EPB41: variants seen among roughly 807,000 people sequenced by gnomAD.
The protein encoded by EPB41 is protein 4.1.
EPB41 carries 65 observed loss-of-function variants against 108.0 expected under a neutral mutation model. The observed-to-expected ratio is 0.60, with a 90% CI of 0.49 to 0.74. The LOEUF (loss-of-function observed/expected upper bound fraction) is 0.74. Among genes scored for constraint, EPB41 ranks in the 30% least tolerant of loss-of-function variants. The probability of loss-of-function intolerance (pLI) is 0.00; values close to 1 mark genes in which losing one functional copy is unlikely to be tolerated. For synonymous variants in EPB41, 336 were observed against 358.9 expected (o/e 0.94, Z 0.72); for missense variants, 875 against 1,037.0 (o/e 0.84, Z 2.15).
chr1:29,032,508 G>C (rs781673454), intron 8 of EPB41, among the ~76,000 whole-genome samples: 1 of 152,154 alleles, frequency 6.6e-6, no homozygotes, highest in African/African-American at 2.4e-5. Flanking sequence ...GGAAAGAGTA[G>C]TCAAGAAGCA....
intron 14 of EPB41, among the ~76,000 whole-genome samples, chr1:29,059,596 G>A (rs1646152661): frequency 6.6e-6 from 1 of 151,752 alleles, no homozygotes; most frequent in Non-Finnish European, 1.5e-5. Context: ...GGCAACATAG[G>A]GAGACCCCAT....
chr1:28,895,784 G>A (rs113817349), intron 1 of EPB41, among the ~76,000 whole-genome samples: 80 of 152,234 alleles, frequency 5.3e-4, no homozygotes, highest in African/African-American at 1.8e-3. Context: ...CACCACGCCC[G>A]GCCCTAAGGC....
At chr1:29,113,028 G>A (rs1669726149) in intron 19 of EPB41, among the ~76,000 whole-genome samples, 1 of 152,170 alleles carries the variant, frequency 6.6e-6, no homozygotes, top group African/African-American at 2.4e-5. Context: ...CTAACTTGCT[G>A]TGTGACCTTG....
At chr1:29,025,469 A>T (rs2096707615) in intron 7 of EPB41, among the ~76,000 whole-genome samples, 1 of 152,024 alleles carries the variant, frequency 6.6e-6, no homozygotes, top group African/African-American at 2.4e-5. Context: ...AAAAAATTCA[A>T]GACAGTACTT....
chr1:29,056,879 A>G (rs996002677), intron 12 of EPB41, among the ~76,000 whole-genome samples: 2 of 152,180 alleles, frequency 1.3e-5, no homozygotes, highest in African/African-American at 4.8e-5. Context: ...TATTGGATTG[A>G]TAAAGATCCA....
chr1:29,091,591 C>T (rs1185369202), intron 16 of EPB41, among the ~76,000 whole-genome samples: 1 of 152,118 alleles, frequency 6.6e-6, no homozygotes, highest in Non-Finnish European at 1.5e-5. Context: ...TTAGAATTTA[C>T]AATATGGTTT....
At chr1:29,066,517 A>C (rs1647936640) in intron 16 of EPB41, among the ~76,000 whole-genome samples, 1 of 152,190 alleles carries the variant, frequency 6.6e-6, no homozygotes, top group Admixed American at 6.5e-5. Flanking sequence ...TATACCCCAA[A>C]AGTTTTTATC....
At chr1:29,046,668 C>T (rs969887876) in intron 11 of EPB41, among the ~76,000 whole-genome samples, 1 of 152,140 alleles carries the variant, frequency 6.6e-6, no homozygotes, top group Non-Finnish European at 1.5e-5. Context: ...CATCAAGCTT[C>T]CTTATATGGT....
At chr1:28,979,321 C>G (rs1473591754) in intron 1 of EPB41, among the ~76,000 whole-genome samples, 1 of 151,550 alleles carries the variant, frequency 6.6e-6, no homozygotes, top group Non-Finnish European at 1.5e-5. Context: ...ACCACAACCA[C>G]TCTCCAAATA....
At chr1:28,960,578 A>C (rs1284607652) in intron 1 of EPB41, among the ~76,000 whole-genome samples, 2 of 150,878 alleles carry the variant, frequency 1.3e-5, no homozygotes, top group African/African-American at 2.4e-5. Context: ...AAAAAAAAAA[A>C]AAAACTTAAA....
At chr1:29,030,282 A>G (rs1008490264) in intron 7 of EPB41, 118 bp from the exon 8 acceptor site, 4 of 771,170 alleles carry the variant, frequency 5.2e-6, no homozygotes, top group Non-Finnish European at 9.0e-6. Flanking sequence ...TAGGAAATAT[A>G]TCTTAATATA....
chr1:28,961,888 C>T (rs905082005), intron 1 of EPB41, among the ~76,000 whole-genome samples: 1 of 152,046 alleles, frequency 6.6e-6, no homozygotes, highest in Non-Finnish European at 1.5e-5. Context: ...AAACTGGTTC[C>T]TCCTCTATAT....
intron 1 of EPB41, among the ~76,000 whole-genome samples, chr1:28,979,714 CTTTTT>C (rs34603544): frequency 6.9e-6 from 1 of 145,458 alleles, no homozygotes; most frequent in African/African-American, 2.6e-5. Context: ...ACTGTCCTCA[CTTTTT>C]TTTTTTTTAA....
At chr1:28,912,650 C>T (rs1198561987), upstream of EPB41, among the ~76,000 whole-genome samples, 2 of 151,924 alleles carry the variant, frequency 1.3e-5, no homozygotes, top group Non-Finnish European at 2.9e-5. Context: ...GAGTCTTGCT[C>T]TTGTCACCCA....
At chr1:29,070,738 G>C (rs1650956561) in intron 16 of EPB41, 3 of 1,209,394 alleles carry the variant, frequency 2.5e-6, no homozygotes, top group Non-Finnish European at 2.1e-6. Flanking sequence ...GGGAGCTCTT[G>C]TGATCATTTT....
At position 28,967,766 on chromosome 1, in the gene EPB41, C is replaced by T. The variant is rs556368340; in HGVS notation, c.-7-19665C>T. Among the ~76,000 whole-genome samples the T allele has an allele frequency of 5.3e-5, 8 of 151,218 alleles. No individual in the cohort carries two copies. The South Asian group carries it at 1.7e-3, about 32-fold the overall frequency. ...GATTACAGGTGTGAGCCACTGAACC[C>T]AGCCTTTTTTTTCTTTTAAGCTCCA... On this transcript the variant is annotated intron_variant, in intron 1 of 20. Transcript: ENST00000343067.
rs544527426 is a variant in EPB41 at position 28,997,424 on chromosome 1, A to G, written c.786+105A>G. Reference sequence around the variant, plus strand: ...TGCTTCTCTAAGCCAGTGTTCTTAGAGTTATTCCTGTCTACTCTTATTTCT... The same window carrying G: ...TGCTTCTCTAAGCCAGTGTTCTTAGGGTTATTCCTGTCTACTCTTATTTCT... On this transcript the variant is annotated intron_variant, in intron 4 of 20. Coordinates refer to ENST00000343067, the MANE Select transcript of EPB41 (RefSeq NM_001376013.1). 81 of 750,826 alleles carry G rather than the reference A, an allele frequency of 1.1e-4. No homozygotes were observed. The African/African-American group carries it at 1.3e-3, about 12-fold the overall frequency. 46.5% of individuals were successfully genotyped at this position (750,826 alleles called of 1,614,324 possible). A position where few individuals can be genotyped will look rare whatever the true frequency, so the allele number is the denominator to read the frequency against.
chr1:28,978,164 T>C (rs1571821018), intron 1 of EPB41, among the ~76,000 whole-genome samples: 1 of 151,472 alleles, frequency 6.6e-6, no homozygotes, highest in Non-Finnish European at 1.5e-5. Flanking sequence ...TCCTTAATTA[T>C]GTTTTCATTT....
At chr1:28,982,474 A>G in intron 1 of EPB41, 1 of 800,848 alleles carries the variant, frequency 1.2e-6, no homozygotes, top group Non-Finnish European at 2.3e-6. Context: ...GTAGTGGTCA[A>G]TTCCAGACAC....
Sources: allele counts gnomAD v4.1 joint callset (sites outside exome capture counted in the v4.1 genomes callset), GRCh38; gene constraint gnomAD v4.1.1; transcripts MANE v1.5; gene names NCBI Gene and HGNC (gene_info 2026-07-23, HGNC 2026-07-21).